Variants in DIAPH1 observed in about 807,000 individuals in gnomAD.
DIAPH1 encodes the protein diaphanous related formin 1.
A neutral mutation model predicts 140.7 loss-of-function variants in DIAPH1; 46 were observed. That is an observed-to-expected ratio of 0.33 (90% CI 0.26 to 0.42). The LOEUF (loss-of-function observed/expected upper bound fraction) is 0.42. DIAPH1 is among the 10% of genes least tolerant of loss of function. The pLI, the probability that DIAPH1 is intolerant of heterozygous loss-of-function variation, is 1.00. For missense variants in DIAPH1, 1,310 were observed against 1,558.7 expected, an observed-to-expected ratio of 0.84 and a Z score of 2.69; for synonymous variants, 565 against 551.6, an observed-to-expected ratio of 1.02 and a Z score of -0.34.
intron 18 of DIAPH1, among the ~76,000 whole-genome samples, chr5:141,540,890 T>A (rs963674120): frequency 2.6e-5 from 4 of 151,836 alleles, no homozygotes; most frequent in African/African-American, 9.7e-5. Context: ...TGAAACCCCA[T>A]CTCTACTAAA....
intron 21 of DIAPH1, 73 bp from the exon 22 acceptor site, chr5:141,529,014 T>C (rs577998361): frequency 6.2e-7 from 1 of 1,608,186 alleles, no homozygotes; most frequent in African/African-American, 1.3e-5. Context: ...CGCTTGAGCC[T>C]CCTATGGGAG....
intron 27 of DIAPH1, among the ~76,000 whole-genome samples, chr5:141,520,506 C>T (rs1003619413): frequency 1.3e-5 from 2 of 152,172 alleles, no homozygotes; most frequent in African/African-American, 4.8e-5. Flanking sequence ...GCTCCCACTT[C>T]CGCCTTGTGA....
intron 1 of DIAPH1, among the ~76,000 whole-genome samples, chr5:141,592,805 G>A (rs1421329680): frequency 6.6e-6 from 1 of 152,066 alleles, no homozygotes; most frequent in Non-Finnish European, 1.5e-5. Flanking sequence ...AGATACTGAA[G>A]GAAGCATAAA....
intron 7 of DIAPH1, 152 bp from the exon 8 acceptor site, chr5:141,581,035 G>T: frequency 1.2e-6 from 1 of 863,752 alleles, no homozygotes; most frequent in Non-Finnish European, 1.9e-6. Context: ...ACCTCATCTG[G>T]AAATATACTC....
chr5:141,594,428 A>G (rs928130943), intron 1 of DIAPH1, among the ~76,000 whole-genome samples: 2 of 152,182 alleles, frequency 1.3e-5, no homozygotes, highest in African/African-American at 4.8e-5. Flanking sequence ...ATACTGCTAA[A>G]AGAAAGAAGC....
chr5:141,589,808 C>G (rs929724993), intron 1 of DIAPH1, among the ~76,000 whole-genome samples: 2 of 152,094 alleles, frequency 1.3e-5, no homozygotes, highest in South Asian at 2.1e-4. Context: ...TCCTGCCCCC[C>G]CAAAAAAGTC....
intron 1 of DIAPH1, among the ~76,000 whole-genome samples, chr5:141,602,030 C>A (rs1359360335): frequency 6.6e-6 from 1 of 152,030 alleles, no homozygotes; most frequent in Non-Finnish European, 1.5e-5. Context: ...ATCTACCTAC[C>A]CAGAAAGAAC....
chr5:141,517,100 G>C (rs1596330722), intron 27 of DIAPH1, 92 bp from the exon 28 acceptor site: 2 of 1,486,134 alleles, frequency 1.3e-6, no homozygotes, highest in Non-Finnish European at 9.2e-7. Context: ...AAGCCATGCA[G>C]ACATGACTAC....
At chr5:141,617,446 C>G (rs2099902868) in intron 1 of DIAPH1, among the ~76,000 whole-genome samples, 1 of 152,174 alleles carries the variant, frequency 6.6e-6, no homozygotes, top group African/African-American at 2.4e-5. Flanking sequence ...AATTAAACAT[C>G]TAACCCTCCA....
At chr5:141,610,312 T>C (rs2099901621) in intron 1 of DIAPH1, among the ~76,000 whole-genome samples, 1 of 150,930 alleles carries the variant, frequency 6.6e-6, no homozygotes, top group Non-Finnish European at 1.5e-5. Flanking sequence ...TTTTGTTTTG[T>C]TTTGTTTTTG....
intron 1 of DIAPH1, among the ~76,000 whole-genome samples, chr5:141,596,433 G>T (rs2099899336): frequency 6.6e-6 from 1 of 151,956 alleles, no homozygotes; most frequent in African/African-American, 2.4e-5. Flanking sequence ...AGCCCCCAGA[G>T]GTTGCAGCAA....
chr5:141,607,901 T>G (rs1186842387), intron 1 of DIAPH1, among the ~76,000 whole-genome samples: 1 of 152,204 alleles, frequency 6.6e-6, no homozygotes, highest in African/African-American at 2.4e-5. Context: ...ATTTACAGTA[T>G]CTGGGGCATT....
intron 18 of DIAPH1, among the ~76,000 whole-genome samples, chr5:141,535,549 A>G (rs569444001): frequency 6.6e-6 from 1 of 152,294 alleles, no homozygotes; most frequent in East Asian, 1.9e-4. Context: ...ATAAGTGTGG[A>G]TATTTCTCAT....
At chr5:141,611,670 A>G (rs1057254035) in intron 1 of DIAPH1, among the ~76,000 whole-genome samples, 1 of 152,148 alleles carries the variant, frequency 6.6e-6, no homozygotes, top group Non-Finnish European at 1.5e-5. Flanking sequence ...GACGATACAT[A>G]GATAGCAAAT....
intron 1 of DIAPH1, among the ~76,000 whole-genome samples, chr5:141,593,239 C>T (rs1176835575): frequency 6.6e-6 from 1 of 152,156 alleles, no homozygotes; most frequent in African/African-American, 2.4e-5. Flanking sequence ...GTTTAAGAAG[C>T]AGTTAGATCC....
At chr5:141,526,577 T>C (rs2099887358) in intron 24 of DIAPH1, 116 bp from the exon 25 acceptor site, 2 of 1,293,956 alleles carry the variant, frequency 1.5e-6, no homozygotes, top group African/African-American at 2.9e-5. Flanking sequence ...AATACAGCAC[T>C]GTTTATAACA....
At position 141,571,963 on chromosome 5, in the gene DIAPH1, G is replaced by A. The variant is rs185113837; in HGVS notation, c.2436C>T (p.Phe812=). 58 of 1,614,126 alleles carry A rather than the reference G, an allele frequency of 3.6e-5. No individual in the cohort carries two copies. In the African/African-American group the frequency reaches 4.3e-4, roughly 12 times the overall value. The change falls in exon 17 of 28, where the codon TTC becomes TTT. Residue 812 remains phenylalanine (F), a synonymous_variant. Coordinates refer to ENST00000389054, the MANE Select transcript of DIAPH1 (RefSeq NM_005219.5). ...CAGAGAAGGTAAGGGTAAGTTTGGC[G>A]AAAAGTTCATTGTTCTCAAAGCGGT... The part of the protein sequence containing the change: ...KEDRFENNEL[F]AKLTLTFSAQ...
rs756921782 is a variant in DIAPH1 at position 141,580,750 on chromosome 5, T to C, written c.818A>G (p.Glu273Gly). Residue 273 changes from glutamate to glycine, a missense_variant, in exon 8 of 28, where the codon GAG becomes GGG. Physicochemically the swap from Glu to Gly is moderately conservative, Grantham distance 98. Transcript: ENST00000389054. ...AATTATTCCAGTCACATACATGTCC[T>C]CTGGCTGCGGTAGAATACAAAGAGC... ...LSALCILPQP[E>G]DMNERVLEAM... is the part of the protein sequence containing the mutation. The C allele has an allele frequency of 6.2e-6, 10 of 1,613,936 alleles. No homozygotes were observed. In the African/African-American group the frequency reaches 1.3e-4, roughly 22 times the overall value.
intron 2 of DIAPH1, 38 bp from the exon 3 acceptor site, chr5:141,587,235 T>G: frequency 6.2e-7 from 1 of 1,608,272 alleles, no homozygotes; most frequent in African/African-American, 1.3e-5. Flanking sequence ...TGATCCATTT[T>G]CACTTACATA....
Sources: allele counts gnomAD v4.1 joint callset (sites outside exome capture counted in the v4.1 genomes callset), GRCh38; gene constraint gnomAD v4.1.1; transcripts MANE v1.5; gene names NCBI Gene and HGNC (gene_info 2026-07-23, HGNC 2026-07-21).